Variants in OR4K1 observed in about 807,000 individuals in gnomAD.
The protein encoded by OR4K1 is olfactory receptor family 4 subfamily K member 1.
In OR4K1, 16 loss-of-function variants were observed where a neutral mutation model predicts 14.4. The observed-to-expected ratio is 1.11, with a 90% CI of 0.75 to 1.68. The LOEUF is 1.68. Among genes scored for constraint, OR4K1 ranks in the 40% most tolerant of loss-of-function variants. The pLI, the probability that OR4K1 is intolerant of heterozygous loss-of-function variation, is 0.00. For missense variants in OR4K1, 548 were observed against 376.9 expected (o/e 1.45, Z -3.76); for synonymous variants, 181 against 133.1 (o/e 1.36, Z -2.48).
chr14:19,924,378 C>T, the OR4K1 span, among the ~76,000 whole-genome samples: 15 of 78,994 alleles, frequency 1.9e-4, no homozygotes, highest in Admixed American at 8.4e-4. Context: ...CCAGCCTGGG[C>T]AACAAGAGCA....
At chr14:19,921,341 A>T in the OR4K1 span, 39 of 1,614,056 alleles carry the variant, frequency 2.4e-5, no homozygotes, top group Admixed American at 5.0e-5. Flanking sequence ...CCCATATTGC[A>T]GTAGTAATAT....
the OR4K1 span, among the ~76,000 whole-genome samples, chr14:19,922,231 G>A: frequency 2.0e-5 from 3 of 152,352 alleles, no homozygotes; most frequent in Non-Finnish European, 4.4e-5. Flanking sequence ...TTTAGATTAT[G>A]AGTTGCAGAA....
At chr14:19,921,172 G>T in the OR4K1 span, 3 of 1,614,038 alleles carry the variant, frequency 1.9e-6, no homozygotes, top group African/African-American at 4.0e-5. Flanking sequence ...AAACTTGCCT[G>T]CCTGGACTCT....
the OR4K1 span, chr14:19,921,719 G>T: frequency 4.5e-6 from 4 of 886,612 alleles, no homozygotes; most frequent in African/African-American, 3.5e-5. Context: ...TCTTTTTCTA[G>T]GTATCAAGTG....
upstream of OR4K1, among the ~76,000 whole-genome samples, chr14:19,927,784 T>C (rs905064588): frequency 6.6e-6 from 1 of 152,246 alleles, no homozygotes; most frequent in Non-Finnish European, 1.5e-5. Context: ...CTATTCCTGA[T>C]GTGAGTTTTC....
chr14:19,924,400 C>CAAAAAAAAAAAAAAAAAAAAAAAAAA, the OR4K1 span, among the ~76,000 whole-genome samples: 10 of 79,252 alleles, frequency 1.3e-4, no homozygotes, highest in African/African-American at 4.5e-4. Context: ...AACTCCGTAT[C>CAAAAAAAAAAAAAAAAAAAAAAAAAA]AAAAAAAAAA....
chr14:19,922,073 C>CA, the OR4K1 span, among the ~76,000 whole-genome samples: 1 of 128,756 alleles, frequency 7.8e-6, no homozygotes, highest in Non-Finnish European at 1.8e-5. Flanking sequence ...TGAGACTCCC[C>CA]CCCCCAAAAA....
At chr14:19,930,649 C>A (rs913885220), upstream of OR4K1, among the ~76,000 whole-genome samples, 2 of 152,222 alleles carry the variant, frequency 1.3e-5, no homozygotes, top group Non-Finnish European at 2.9e-5. Context: ...TACCTGAATA[C>A]TTCCTTTGCT....
At chr14:19,932,055 C>T (rs1294632141) in intron 1 of OR4K1, among the ~76,000 whole-genome samples, 1 of 152,180 alleles carries the variant, frequency 6.6e-6, no homozygotes, top group Non-Finnish European at 1.5e-5. Context: ...TGAACCTGAT[C>T]TGTTCTACTT....
At chr14:19,933,948 T>C (rs1165415577) in intron 1 of OR4K1, among the ~76,000 whole-genome samples, 2 of 152,242 alleles carry the variant, frequency 1.3e-5, no homozygotes, top group Non-Finnish European at 2.9e-5. Context: ...GCCCTGAAAG[T>C]GTAGGATATA....
At position 19,936,237 on chromosome 14, in the gene OR4K1, G is replaced by C; in HGVS notation, c.571G>C (p.Asp191His). 5 of 1,614,206 alleles carry C rather than the reference G, an allele frequency of 3.1e-6. No individual in the cohort carries two copies. The highest frequency in any genetic ancestry group is 8.5e-7 in the Non-Finnish European group (1 of 1,180,024). Reference sequence around the variant, plus strand: ...CTTGGTGATAGAGCTGGCTTGCATGGATACATATGAAATGGAAATTATGAC... The same window carrying C: ...CTTGGTGATAGAGCTGGCTTGCATGCATACATATGAAATGGAAATTATGAC... The part of the protein sequence containing the change: ...LPLVIELACM[D>H]TYEMEIMTLT... The change falls in exon 2 of 2, where the codon GAT (aspartate) becomes CAT (histidine). Residue 191 changes from aspartate to histidine, a missense_variant. Coordinates refer to ENST00000641172, the MANE Select transcript of OR4K1 (RefSeq NM_001004063.3).
the OR4K1 span, among the ~76,000 whole-genome samples, chr14:19,923,176 T>C: frequency 6.6e-6 from 1 of 152,380 alleles, no homozygotes; most frequent in Non-Finnish European, 1.5e-5. Flanking sequence ...GTTCATTATT[T>C]CCCTCAATTT....
chr14:19,921,302 A>G, the OR4K1 span: 1 of 1,614,206 alleles, frequency 6.2e-7, no homozygotes, highest in East Asian at 2.2e-5. Flanking sequence ...CTTCAGCTGC[A>G]ATGGCAAAGG....
At position 19,936,412 on chromosome 14, in the gene OR4K1, T is replaced by A. The variant is rs137893475; in HGVS notation, c.746T>A (p.Leu249His). 2.0e-4 allele frequency: 329 copies of A among 1,614,176 alleles called. No homozygotes were observed. The African/African-American group carries it at 3.9e-3, about 19-fold the overall frequency. ...ACTGCCCACATCACAGTGGTCATTC[T>A]TTTCTTCGGGCCTTGCATTTATTTC... The part of the protein sequence containing the change: ...TLTAHITVVI[L>H]FFGPCIYFYI... Residue 249 changes from leucine to histidine, a missense_variant, in exon 2 of 2, where the codon CTT (leucine) becomes CAT (histidine). By Grantham distance (99) the Leu-to-His change is moderately conservative. Coordinates refer to ENST00000641172, the MANE Select transcript of OR4K1 (RefSeq NM_001004063.3).
the OR4K1 span, chr14:19,921,615 G>A: frequency 1.3e-6 from 2 of 1,551,622 alleles, no homozygotes; most frequent in Non-Finnish European, 1.7e-6. Flanking sequence ...TCAATACACT[G>A]TTTAATATTT....
chr14:19,936,563 GA>G lies in OR4K1; in HGVS notation c.899del (p.Lys300SerfsTer2). On this transcript the variant is annotated frameshift_variant, in exon 2 of 2. Coordinates refer to ENST00000641172, the MANE Select transcript of OR4K1 (RefSeq NM_001004063.3). LOFTEE classifies it high-confidence loss of function. Reference protein sequence around the residue: ...RNEDVKAAMWKLRNRHVNSWK... With the variant: ...RNEDVKAAMWXLRNRHVNSWK... ...ATGAAGATGTTAAAGCAGCCATGTG[GA>G]AGCTGAGAAACCGTCATGTGAACTC... The G allele has an allele frequency of 1.2e-6, 2 of 1,608,950 alleles. No individual in the cohort carries two copies. The highest frequency in any genetic ancestry group is 1.7e-6 in the Non-Finnish European group (2 of 1,178,300).
Position 19,936,111 on chromosome 14 carries a change from T to C in OR4K1, c.445T>C (p.Trp149Arg), listed in dbSNP as rs1366678799. Residue 149 changes from tryptophan to arginine, a missense_variant, in exon 2 of 2, where the codon TGG (tryptophan) becomes CGG (arginine). Coordinates refer to ENST00000641172, the MANE Select transcript of OR4K1 (RefSeq NM_001004063.3). ...RLCVIFVSIS[W>R]AVGVLHSVSH... ...CTGTGTAATTTTTGTGTCTATTTCC[T>C]GGGCGGTGGGCGTTCTTCATTCTGT... 9 of 1,614,130 alleles carry C rather than the reference T, an allele frequency of 5.6e-6. No homozygotes were observed. Among genetic ancestry groups the C allele is most frequent in the Non-Finnish European group, 7.6e-6 (9 of 1,180,046 alleles).
At position 19,936,398 on chromosome 14, in the gene OR4K1, C is replaced by G. The variant is rs773214155; in HGVS notation, c.732C>G (p.Ile244Met). 26 of 1,614,098 alleles carry G rather than the reference C, an allele frequency of 1.6e-5. No individual in the cohort carries two copies. The East Asian group carries it at 5.8e-4, about 36-fold the overall frequency. Reference protein sequence around the residue: ...SKALSTLTAHITVVILFFGPC... With the variant: ...SKALSTLTAHMTVVILFFGPC... ...CTCTTTCTACATTAACTGCCCACATCACAGTGGTCATTCTTTTCTTCGGGC... is the reference window on the plus strand; with the variant it reads ...CTCTTTCTACATTAACTGCCCACATGACAGTGGTCATTCTTTTCTTCGGGC... The change falls in exon 2 of 2, where the codon ATC (isoleucine) becomes ATG (methionine). Residue 244 changes from isoleucine (I) to methionine (M), a missense_variant. Physicochemically the swap from Ile to Met is conservative, Grantham distance 10. Transcript: ENST00000641172.
At chr14:19,926,245 T>C (rs138788043), upstream of OR4K1, among the ~76,000 whole-genome samples, 198 of 152,354 alleles carry the variant, frequency 1.3e-3, no homozygotes, top group African/African-American at 4.4e-3. Flanking sequence ...TGTCTTGTGA[T>C]GGAGTTCTCA....
Sources: gnomAD v4.1 joint callset for allele counts (sites outside exome capture counted in the v4.1 genomes callset) on GRCh38, gnomAD v4.1.1 for gene constraint, MANE v1.5 for transcripts, NCBI Gene and HGNC (gene_info 2026-07-23, HGNC 2026-07-21) for gene names.